The following NCAPD3 variants were observed in gnomAD, a reference collection of about 807,000 sequenced individuals.
NCAPD3 encodes non-SMC condensin II complex subunit D3, also known as condensin-2 complex subunit D3.
In NCAPD3, 105 loss-of-function variants were observed where a neutral mutation model predicts 182.9. The ratio of observed to expected loss-of-function variants is 0.57; its 90% CI spans 0.49 to 0.68. The LOEUF (loss-of-function observed/expected upper bound fraction) is 0.68, where lower values mean the gene tolerates loss of function less well. NCAPD3 is among the 30% of genes least tolerant of loss of function. NCAPD3 has a pLI of 0.00. For missense variants in NCAPD3, 1,944 were observed against 1,837.0 expected (o/e 1.06, Z -1.07); for synonymous variants, 815 against 679.9 (o/e 1.20, Z -3.09).
At chr11:134,158,093 A>C (rs1943475109) in intron 30 of NCAPD3, 26 bp from the exon 31 acceptor site, 1 of 1,581,738 alleles carries the variant, frequency 6.3e-7, no homozygotes, top group Non-Finnish European at 8.7e-7. Context: ...ACAGCCGCTG[A>C]CTTTCTCACT....
At chr11:134,216,880 A>G (rs1314887222) in intron 3 of NCAPD3, 56 bp downstream of exon 3, 1 of 1,504,558 alleles carries the variant, frequency 6.6e-7, no homozygotes, top group Non-Finnish European at 8.9e-7. Flanking sequence ...AGAATTGAAA[A>G]CTGTAGAAAG....
rs183128156 is a variant in NCAPD3 at position 134,156,903 on chromosome 11, T to G, written c.4252+115A>C. The G allele has an allele frequency of 3.7e-5, 34 of 921,992 alleles. No homozygotes were observed. The East Asian group carries it at 7.9e-4, about 22-fold the overall frequency. The allele number at this position is 921,992 out of a possible 1,614,324, so 57.1% of individuals were successfully genotyped here. ...CTCCACCTCAGCAATGCACTCATGGTTCTGACCATCAGAACTATCCTGCAC... is the reference window on the plus strand; with the variant it reads ...CTCCACCTCAGCAATGCACTCATGGGTCTGACCATCAGAACTATCCTGCAC... On this transcript the variant is annotated intron_variant, in intron 32 of 34. Transcript: ENST00000534548.
chr11:134,162,489 T>C (rs1327665521), intron 27 of NCAPD3, among the ~76,000 whole-genome samples: 1 of 151,904 alleles, frequency 6.6e-6, no homozygotes, highest in Non-Finnish European at 1.5e-5. Context: ...TGAATCTCTT[T>C]AAATTAAAAA....
chr11:134,202,008 C>T (rs970125289), intron 13 of NCAPD3, among the ~76,000 whole-genome samples: 2 of 152,138 alleles, frequency 1.3e-5, no homozygotes, highest in Non-Finnish European at 2.9e-5. Context: ...CATGTGTGCA[C>T]AATTGTATAT....
At position 134,169,724 on chromosome 11, in the gene NCAPD3, C is replaced by T. The variant is rs528699244; in HGVS notation, c.3102-670G>A. Among the ~76,000 whole-genome samples the T allele has an allele frequency of 2.0e-5, 3 of 152,248 alleles. No homozygotes were observed. The South Asian group carries it at 6.2e-4, about 32-fold the overall frequency. The stretch of plus-strand genomic sequence containing the variant: ...CCTACCAAAATGAAGATTTTCAATG[C>T]CAGATGTAAACAGGCAAACTGTTTG... On this transcript the variant is annotated intron_variant, in intron 24 of 34. Transcript: ENST00000534548.
chr11:134,208,197 C>T (rs1000404893), intron 7 of NCAPD3, among the ~76,000 whole-genome samples: 9 of 152,250 alleles, frequency 5.9e-5, no homozygotes, highest in East Asian at 1.9e-4. Context: ...GGTAACGCGT[C>T]GCAGATACCA....
At chr11:134,208,395 A>G (rs1425899826) in intron 7 of NCAPD3, among the ~76,000 whole-genome samples, 1 of 152,208 alleles carries the variant, frequency 6.6e-6, no homozygotes, top group African/African-American at 2.4e-5. Context: ...CAACCTACAA[A>G]ATTTCCATAG....
At chr11:134,192,271 A>G (rs1217342134) in intron 16 of NCAPD3, among the ~76,000 whole-genome samples, 1 of 152,214 alleles carries the variant, frequency 6.6e-6, no homozygotes, top group African/African-American at 2.4e-5. Context: ...AATAAGTGTT[A>G]TCAAAGGGGA....
rs1041107351 is a variant in NCAPD3 at position 134,158,468 on chromosome 11, C to T, written c.3895G>A (p.Val1299Ile). Residue 1299 changes from valine (V) to isoleucine (I), a missense_variant, in exon 30 of 35, where the codon GTT becomes ATT. Transcript: ENST00000534548. ...QVALCLETVP[V>I]PAGQENPAMS... ...GCAGGGTTTTCTTGGCCAGCAGGAA[C>T]TGGCACTGTTTCTAAACACAGGGCA... The T allele has an allele frequency of 1.9e-6, 3 of 1,614,068 alleles. No homozygotes were observed. The South Asian group carries it at 3.3e-5, about 18-fold the overall frequency.
At position 134,217,069 on chromosome 11, in the gene NCAPD3, A is replaced by G. The variant is rs957966064; in HGVS notation, c.249T>C (p.Asn83=). Residue 83 remains asparagine, a synonymous_variant, in exon 3 of 35, where the codon AAT becomes AAC. Transcript: ENST00000534548. ...ATGCCACCAGTGTACTATGGGAAAC[A>G]TTGTTCTCAATGAAGAAGGTCCAGA... The part of the protein sequence containing the change: ...ESIWTFFIEN[N]VSHSTLVALF... 1.9e-6 allele frequency: 3 copies of G among 1,612,586 alleles called. No homozygotes were observed. The highest frequency in any genetic ancestry group is 2.5e-6 in the Non-Finnish European group (3 of 1,179,472).
At position 134,177,315 on chromosome 11, in the gene NCAPD3, C is replaced by A. The variant is rs1298585150; in HGVS notation, c.2925G>T (p.Met975Ile). Residue 975 changes from methionine (M) to isoleucine (I), a missense_variant, in exon 23 of 35, where the codon ATG (methionine) becomes ATT (isoleucine). Physicochemically the swap from Met to Ile is conservative, Grantham distance 10. Around this residue, in one of 3 missense-constraint regions of NCAPD3, gnomAD observed 1,803 missense variants for 1,674.6 expected, o/e 1.08. Coordinates refer to ENST00000534548, the MANE Select transcript of NCAPD3 (RefSeq NM_015261.3). ...AGATGTTGGGAATATACTTGTCCAC[C>A]ATGATGGTGTAGCGAATGCAGAGAT... ...MCDLCIRYTIMVDKYIPNISM... is the reference protein window; with the variant it reads ...MCDLCIRYTIIVDKYIPNISM... The A allele has an allele frequency of 1.1e-5, 18 of 1,614,096 alleles. No individual in the cohort carries two copies. The highest frequency in any genetic ancestry group is 1.4e-5 in the Non-Finnish European group (16 of 1,180,044).
At chr11:134,176,872 T>A (rs964099322) in intron 23 of NCAPD3, among the ~76,000 whole-genome samples, 3 of 152,182 alleles carry the variant, frequency 2.0e-5, no homozygotes, top group African/African-American at 7.2e-5. Context: ...AAGGAAGAAG[T>A]TACCTCTCAG....
At chr11:134,157,808 T>G in intron 31 of NCAPD3, 120 bp downstream of exon 31, 1 of 1,126,726 alleles carries the variant, frequency 8.9e-7, no homozygotes, top group Non-Finnish European at 1.2e-6. Flanking sequence ...AAAAGCCCAA[T>G]TAACGTTATT....
rs760186916 is a variant in NCAPD3, at chr11:134,184,740, C to T, written c.2348G>A (p.Cys783Tyr). Residue 783 changes from cysteine (C) to tyrosine (Y), a missense_variant, in exon 19 of 35, where the codon TGT becomes TAT. Physicochemically the swap from Cys to Tyr is radical, Grantham distance 194 (BLOSUM62 -2). Transcript: ENST00000534548. ...TRDKVTDAVK[C>Y]KLNGFQWSLE... is the part of the protein sequence containing the mutation. ...AGACCACTGAAATCCATTCAGCTTA[C>T]ACTTGACAGCATCTATGAAGGAAGT... The T allele has an allele frequency of 5.6e-6, 9 of 1,613,338 alleles. No individual in the cohort carries two copies. Among genetic ancestry groups the T allele is most frequent in the Admixed American group, 1.7e-5 (1 of 59,898 alleles).
At chr11:134,168,645 G>C (rs1943929537) in intron 25 of NCAPD3, 43 bp from the exon 26 acceptor site, 2 of 1,611,364 alleles carry the variant, frequency 1.2e-6, no homozygotes, top group Middle Eastern at 1.7e-4. Context: ...CATGGGCACG[G>C]GTGTAAGGGA....
intron 32 of NCAPD3, 186 bp from the exon 33 acceptor site, chr11:134,153,549 GTCTC>G (rs1479965107): frequency 1.9e-5 from 12 of 640,752 alleles, no homozygotes; most frequent in South Asian, 1.3e-4. Context: ...GCTCCTTTCC[GTCTC>G]TCTGACCCCC....
At chr11:134,153,540 C>T in intron 32 of NCAPD3, 177 bp from the exon 33 acceptor site, 1 of 658,972 alleles carries the variant, frequency 1.5e-6, no homozygotes. Flanking sequence ...CCTGGGGATG[C>T]TCCTTTCCGT....
chr11:134,165,406 G>A (rs75072309), intron 27 of NCAPD3, among the ~76,000 whole-genome samples: 5 of 150,068 alleles, frequency 3.3e-5, no homozygotes, highest in South Asian at 4.3e-4. Context: ...ACACTTCTGA[G>A]ATGAGCTTAG....
At chr11:134,211,950 A>G (rs910733296) in intron 3 of NCAPD3, among the ~76,000 whole-genome samples, 5 of 152,172 alleles carry the variant, frequency 3.3e-5, no homozygotes, top group African/African-American at 1.2e-4. Flanking sequence ...AAGTCACTAA[A>G]AAATTTCCAA....
Sources: allele counts gnomAD v4.1 joint callset (sites outside exome capture counted in the v4.1 genomes callset), GRCh38; gene constraint gnomAD v4.1.1; regional missense constraint gnomAD v4.1.1; transcripts MANE v1.5; gene names NCBI Gene and HGNC (gene_info 2026-07-23, HGNC 2026-07-21).